MIPEP: variants seen among roughly 807,000 people sequenced by gnomAD.
MIPEP encodes the protein mitochondrial intermediate peptidase.
MIPEP carries 79 observed loss-of-function variants against 90.3 expected under a neutral mutation model. The ratio of observed to expected loss-of-function variants is 0.87; its 90% CI spans 0.73 to 1.05. MIPEP has a LOEUF of 1.05. MIPEP is among the 50% of genes least tolerant of loss of function. The pLI is 0.00. For missense variants in MIPEP, 940 were observed against 905.6 expected, an observed-to-expected ratio of 1.04 and a Z score of -0.49; for synonymous variants, 334 against 315.8, an observed-to-expected ratio of 1.06 and a Z score of -0.61.
At chr13:23,776,226 A>G (rs942947029) in intron 16 of MIPEP, among the ~76,000 whole-genome samples, 11 of 152,168 alleles carry the variant, frequency 7.2e-5, no homozygotes, top group Admixed American at 5.2e-4. Context: ...GCCTCTGAGC[A>G]GACATAAAGA....
At chr13:23,841,309 C>A in intron 11 of MIPEP, 26 bp downstream of exon 11, 1 of 1,590,766 alleles carries the variant, frequency 6.3e-7, no homozygotes, top group Non-Finnish European at 8.5e-7. Context: ...ATGCCTGCAA[C>A]TGCAGGCTGA....
Position 23,832,909 on chromosome 13 carries a change from T to A in MIPEP, c.1653+3331A>T, listed in dbSNP as rs2148239. ...ATGAGCACCTCTGGTATCTGCTATC[T>A]CTGACAGCTGCATGACACCTGCAAA... On this transcript the variant is annotated intron_variant, in intron 14 of 18. Coordinates refer to ENST00000382172, the MANE Select transcript of MIPEP (RefSeq NM_005932.4). 3.2e-3 allele frequency among the ~76,000 whole-genome samples: 482 copies of A among 152,354 alleles called. 2 individuals carry two copies. The highest frequency in any genetic ancestry group is 0.011 in the African/African-American group (470 of 41,588).
At chr13:23,878,602 G>A (rs535104552) in intron 4 of MIPEP, among the ~76,000 whole-genome samples, 1 of 152,294 alleles carries the variant, frequency 6.6e-6, no homozygotes, top group South Asian at 2.1e-4. Flanking sequence ...CATATTATAA[G>A]CAGGTTAAGG....
intron 13 of MIPEP, 24 bp from the exon 14 acceptor site, chr13:23,836,373 T>C (rs770852277): frequency 1.5e-6 from 2 of 1,330,120 alleles, no homozygotes; most frequent in Admixed American, 4.7e-5. Flanking sequence ...AAAAAAAAAG[T>C]TGGCATGAAT....
chr13:23,847,280 G>A (rs964808437), intron 10 of MIPEP, among the ~76,000 whole-genome samples: 1 of 152,018 alleles, frequency 6.6e-6, no homozygotes, highest in African/African-American at 2.4e-5. Context: ...TGACTCCTAC[G>A]GCAGCCTAAC....
At chr13:23,797,595 T>C (rs1952977334) in intron 16 of MIPEP, among the ~76,000 whole-genome samples, 1 of 152,142 alleles carries the variant, frequency 6.6e-6, no homozygotes, top group African/African-American at 2.4e-5. Context: ...TCTAAAGCAC[T>C]CCTCTATTCT....
chr13:23,732,464 T>G (rs1019378524), intron 18 of MIPEP, among the ~76,000 whole-genome samples: 1 of 152,216 alleles, frequency 6.6e-6, no homozygotes, highest in Non-Finnish European at 1.5e-5. Flanking sequence ...AATGAAAGCA[T>G]ATGTCAACAA....
chr13:23,754,586 A>G (rs1952472796), intron 18 of MIPEP, among the ~76,000 whole-genome samples: 1 of 152,232 alleles, frequency 6.6e-6, no homozygotes, highest in South Asian at 2.1e-4. Context: ...AGTTAGTTGC[A>G]ACATTCTGGG....
chr13:23,855,518 T>C (rs142272214), intron 10 of MIPEP, among the ~76,000 whole-genome samples: 150 of 152,346 alleles, frequency 9.8e-4, no homozygotes, highest in African/African-American at 3.5e-3. Context: ...TTTAAGTCTT[T>C]ACTTGAAAGG....
At position 23,790,847 on chromosome 13, in the gene MIPEP, A is replaced by G. The variant is rs563909094; in HGVS notation, c.1848+15103T>C. On this transcript the variant is annotated intron_variant, in intron 16 of 18. Transcript: ENST00000382172. ...TTGTTACAGCAACAATAGGCAACTA[A>G]TACTCTGGCCTCTCGACTCCTTGAC... Among the ~76,000 whole-genome samples the G allele has an allele frequency of 1.9e-4, 29 of 152,316 alleles. No individual in the cohort carries two copies. In the South Asian group the frequency reaches 5.0e-3, roughly 26 times the overall value.
At chr13:23,788,255 C>A (rs1188932148) in intron 16 of MIPEP, among the ~76,000 whole-genome samples, 3 of 152,176 alleles carry the variant, frequency 2.0e-5, no homozygotes, top group Admixed American at 2.0e-4. Context: ...TTTATGAATT[C>A]TTTCTAAACA....
chr13:23,793,752 G>C (rs1952925461), intron 16 of MIPEP, among the ~76,000 whole-genome samples: 1 of 151,740 alleles, frequency 6.6e-6, no homozygotes, highest in Admixed American at 6.6e-5. Flanking sequence ...GACTGTAACA[G>C]AGGCTGGCCA....
intron 1 of MIPEP, among the ~76,000 whole-genome samples, chr13:23,887,758 A>G (rs1871568231): frequency 6.6e-6 from 1 of 152,232 alleles, no homozygotes; most frequent in Admixed American, 6.5e-5. Flanking sequence ...GTAAACCTTC[A>G]GGCCTGACAA....
intron 14 of MIPEP, among the ~76,000 whole-genome samples, chr13:23,817,838 A>C (rs1467948357): frequency 6.6e-6 from 1 of 152,226 alleles, no homozygotes; most frequent in Non-Finnish European, 1.5e-5. Context: ...CAAAAGGATC[A>C]GTAAACATTC....
At chr13:23,803,912 T>C (rs1178404396) in intron 16 of MIPEP, among the ~76,000 whole-genome samples, 3 of 62,328 alleles carry the variant, frequency 4.8e-5, no homozygotes, top group African/African-American at 1.2e-4. Context: ...TAAACATAGC[T>C]ATGCTTCTTT....
chr13:23,882,418 T>A (rs1298179238), intron 2 of MIPEP, among the ~76,000 whole-genome samples: 1 of 152,202 alleles, frequency 6.6e-6, no homozygotes, highest in East Asian at 1.9e-4. Flanking sequence ...GTCTTTGATT[T>A]AACTACATGG....
At chr13:23,860,154 C>T (rs1272867351) in intron 9 of MIPEP, among the ~76,000 whole-genome samples, 6 of 152,216 alleles carry the variant, frequency 3.9e-5, no homozygotes, top group Non-Finnish European at 8.8e-5. Flanking sequence ...TATGTCATGT[C>T]TACATTGTGC....
intron 16 of MIPEP, among the ~76,000 whole-genome samples, chr13:23,790,636 C>T (rs9507162): frequency 0.044 from 6,754 of 152,234 alleles, 211 homozygotes; most frequent in Middle Eastern, 0.078. Context: ...GCCTGTGGCC[C>T]GGAGCCAGGG....
chr13:23,860,963 G>T (rs1408555051), intron 9 of MIPEP, among the ~76,000 whole-genome samples: 2 of 152,114 alleles, frequency 1.3e-5, no homozygotes, highest in African/African-American at 4.8e-5. Flanking sequence ...TGCAGTGCCT[G>T]GGGTGCTTGT....
Sources: allele counts gnomAD v4.1 joint callset (sites outside exome capture counted in the v4.1 genomes callset), GRCh38; gene constraint gnomAD v4.1.1; transcripts MANE v1.5; gene names NCBI Gene and HGNC (gene_info 2026-07-23, HGNC 2026-07-21).